Variants in OGFOD2 observed in about 807,000 individuals in gnomAD.
OGFOD2 encodes the protein 2-oxoglutarate and iron dependent oxygenase domain containing 2, also known as 2-oxoglutarate and iron-dependent oxygenase domain-containing protein 2.
Under a neutral mutation model 31.1 loss-of-function variants are expected in OGFOD2, and 34 were observed. The ratio of observed to expected loss-of-function variants is 1.09; its 90% CI spans 0.83 to 1.45. OGFOD2 has a LOEUF of 1.45. Among genes scored for constraint, OGFOD2 ranks in the 40% most tolerant of loss-of-function variants. The pLI, the probability that OGFOD2 is intolerant of heterozygous loss-of-function variation, is 0.00. For missense variants in OGFOD2, 537 were observed against 433.9 expected (o/e 1.24, Z -2.11); for synonymous variants, 240 against 192.3 (o/e 1.25, Z -2.05).
rs1260980299 is a variant in OGFOD2, at chr12:122,978,662, C to T, written c.532-91C>T. On this transcript the variant is annotated intron_variant, in intron 5 of 6. Coordinates refer to ENST00000228922, the Ensembl canonical transcript of OGFOD2. ...GCAGATGGGCTGCCTGCCCGGGCTG[C>T]GAAAGAAGGTCACAGTGGGATCACC... The T allele has an allele frequency of 2.2e-5, 35 of 1,585,766 alleles. No homozygotes were observed. In the East Asian group the frequency reaches 4.7e-4, roughly 21 times the overall value.
At chr12:122,978,813 C>A in exon 6 of OGFOD2, 1 of 1,612,366 alleles carries the variant, frequency 6.2e-7, no homozygotes, top group Non-Finnish European at 8.5e-7. Context: ...GGAGCGCTTC[C>A]TGCAGCCGCT....
At chr12:122,978,390 C>G in intron 4 of OGFOD2, 52 bp from the exon 5 acceptor site, 8 of 1,604,026 alleles carry the variant, frequency 5.0e-6, no homozygotes, top group African/African-American at 4.0e-5. Flanking sequence ...AAGCCCAGGC[C>G]TGGCCGGCCC....
exon 7 of OGFOD2, chr12:122,979,191 C>T (rs1382104671): frequency 5.0e-6 from 8 of 1,611,852 alleles, no homozygotes; most frequent in African/African-American, 4.0e-5. Context: ...CACTGGTGAG[C>T]GTTGGAACCT....
At chr12:122,975,533 A>T in intron 1 of OGFOD2, 150 bp downstream of exon 1, 1 of 593,262 alleles carries the variant, frequency 1.7e-6, no homozygotes. Context: ...CGGTTTTCTC[A>T]CCGTAAAGGG....
intron 1 of OGFOD2, 75 bp from the exon 2 acceptor site, chr12:122,975,736 G>A (rs2037400331): frequency 5.9e-6 from 4 of 673,282 alleles, no homozygotes; most frequent in East Asian, 5.5e-5. Context: ...TTTTAAGCAG[G>A]GGAAACTGAG....
At chr12:122,974,971 G>A (rs1273375743), upstream of OGFOD2, 2 of 297,894 alleles carry the variant, frequency 6.7e-6, no homozygotes, top group Non-Finnish European at 6.2e-6. Context: ...TCCTCTCCCC[G>A]TCCTGTGAAG....
chr12:122,976,299 G>A, intron 2 of OGFOD2: 1 of 1,390,432 alleles, frequency 7.2e-7, no homozygotes, highest in Non-Finnish European at 1.0e-6. Flanking sequence ...CCTTCCCCTG[G>A]AGTCAGTGGT....
intron 2 of OGFOD2, chr12:122,976,295 C>G (rs541836626): frequency 7.3e-7 from 1 of 1,371,040 alleles, no homozygotes. Context: ...TCCTCCTTCC[C>G]CTGGAGTCAG....
chr12:122,977,618 T>G (rs548629549), intron 4 of OGFOD2: 1 of 165,838 alleles, frequency 6.0e-6, no homozygotes, highest in Non-Finnish European at 1.3e-5. Flanking sequence ...TGAGTTAATC[T>G]GCATAGAGTG....
exon 7 of OGFOD2, chr12:122,979,205 C>G: frequency 6.2e-7 from 1 of 1,612,188 alleles, no homozygotes; most frequent in Non-Finnish European, 8.5e-7. Context: ...GGAACCTTGT[C>G]GTCTGGCTCC....
At chr12:122,976,238 C>T (rs2037425064) in intron 2 of OGFOD2, 7 of 722,908 alleles carry the variant, frequency 9.7e-6, no homozygotes. Context: ...TCACACCTTA[C>T]CATATACCCC....
At chr12:122,975,314 G>C (rs1454255251) in exon 1 of OGFOD2, 1 of 702,270 alleles carries the variant, frequency 1.4e-6, no homozygotes, top group South Asian at 1.5e-5. Context: ...CCGATAACTT[G>C]TACGTGGCGC....
chr12:122,975,212 G>A, upstream of OGFOD2: 2 of 573,320 alleles, frequency 3.5e-6, no homozygotes, highest in East Asian at 5.8e-5. Flanking sequence ...CGTGCCCGAA[G>A]TCTCTCTACG....
At chr12:122,975,317 C>T (rs1566208621) in exon 1 of OGFOD2, 2 of 702,178 alleles carry the variant, frequency 2.8e-6, no homozygotes, top group Non-Finnish European at 2.6e-6. Flanking sequence ...ATAACTTGTA[C>T]GTGGCGCGCT....
In OGFOD2 at chr12:122,976,989, G is replaced by T. The variant is rs763072624; in HGVS notation, c.403+19G>T. 5.6e-6 allele frequency: 9 copies of T among 1,602,734 alleles called. No individual in the cohort carries two copies. Among genetic ancestry groups the T allele is most frequent in the South Asian group, 1.1e-5 (1 of 90,856 alleles). On this transcript the variant is annotated intron_variant, in intron 4 of 6. Coordinates refer to ENST00000228922, the Ensembl canonical transcript of OGFOD2. ...GTATCGGGTGAGGTCCTGGCCCTGA[G>T]ACCTGGCAGGACCAGGGAATGGCAG... is the stretch of plus-strand genomic sequence containing the variant.
chr12:122,979,397 C>T, exon 7 of OGFOD2: 2 of 1,547,202 alleles, frequency 1.3e-6, no homozygotes, highest in Non-Finnish European at 1.7e-6. Context: ...GCTCCGTTGC[C>T]TTGGTCTGGG....
upstream of OGFOD2, chr12:122,975,192 C>G (rs2037374117): frequency 1.9e-6 from 1 of 527,188 alleles, no homozygotes; most frequent in Admixed American, 3.2e-5. Context: ...GCGCCTCCCG[C>G]GGTTGGGGGC....
At chr12:122,975,201 G>A, upstream of OGFOD2, 1 of 546,802 alleles carries the variant, frequency 1.8e-6, no homozygotes. Flanking sequence ...GCGGTTGGGG[G>A]CGTGCCCGAA....
exon 6 of OGFOD2, chr12:122,979,007 C>CACA: frequency 6.2e-7 from 1 of 1,612,578 alleles, no homozygotes; most frequent in Non-Finnish European, 8.5e-7. Flanking sequence ...GGGGCCTCTT[C>CACA]CAGGTGAGTG....
Sources: gnomAD v4.1 joint callset for allele counts on GRCh38, gnomAD v4.1.1 for gene constraint, MANE v1.5 for transcripts, NCBI Gene and HGNC (gene_info 2026-07-23, HGNC 2026-07-21) for gene names.